Variants in FBRSL1 observed in about 807,000 individuals in gnomAD.
The protein encoded by FBRSL1 is fibrosin-1-like protein.
In FBRSL1, 51 loss-of-function variants were observed where a neutral mutation model predicts 89.6. That is an observed-to-expected ratio of 0.57 (90% confidence interval 0.45 to 0.72). The LOEUF is 0.72. Among genes scored for constraint, FBRSL1 ranks in the 30% least tolerant of loss-of-function variants. The pLI is 0.00. For missense variants in FBRSL1, 1,618 were observed against 1,451.8 expected (o/e 1.11, Z -1.86); for synonymous variants, 779 against 681.1 (o/e 1.14, Z -2.24).
At chr12:132,549,022 T>TG (rs2037928678) in intron 5 of FBRSL1, among the ~76,000 whole-genome samples, 1 of 151,982 alleles carries the variant, frequency 6.6e-6, no homozygotes, top group Non-Finnish European at 1.5e-5. Flanking sequence ...GTCTGGGCTG[T>TG]GGGGTCTCAC....
intron 1 of FBRSL1, among the ~76,000 whole-genome samples, chr12:132,507,616 G>T (rs79206283): frequency 0.13 from 19,679 of 152,166 alleles, 1,428 homozygotes; most frequent in Admixed American, 0.21. Context: ...ACACGGGGAA[G>T]CATCTCTGTC....
intron 8 of FBRSL1, 114 bp from the exon 9 acceptor site, chr12:132,570,954 C>G: frequency 1.4e-6 from 1 of 731,918 alleles, no homozygotes; most frequent in Non-Finnish European, 1.7e-6. Context: ...CCGAGTCAGC[C>G]CGGCCCAGGC....
intron 2 of FBRSL1, among the ~76,000 whole-genome samples, chr12:132,518,871 A>G (rs947305585): frequency 6.7e-6 from 1 of 149,332 alleles, no homozygotes; most frequent in East Asian, 2.0e-4. Context: ...CCATCTGTCC[A>G]TCCAACCACC....
rs1422825356 is a variant in FBRSL1 at position 132,574,085 on chromosome 12, C to G, written c.1531-5C>G. ...CGCACACAAGCTGTCTCTTTCTCCC[C>G]TCAGACTTCAAGCCCCATTGAGGTG... On this transcript the variant is annotated splice_polypyrimidine_tract_variant and splice_region_variant and intron_variant, in intron 11 of 18. Transcript: ENST00000680143. 3.8e-6 allele frequency: 5 copies of G among 1,302,840 alleles called. No homozygotes were observed. The highest frequency in any genetic ancestry group is 4.9e-6 in the Non-Finnish European group (5 of 1,027,550). 80.7% of individuals were successfully genotyped at this position (1,302,840 alleles called of 1,614,324 possible). A position where few individuals can be genotyped will look rare whatever the true frequency, so the allele number is the denominator to read the frequency against.
rs867448348 is a variant in FBRSL1 at position 132,508,384 on chromosome 12, G to A, written c.489+34G>A. On this transcript the variant is annotated intron_variant, in intron 2 of 18. Transcript: ENST00000680143. ...GTCCCTCCCCGACCGGAAGCTCTGC[G>A]GCGGGTCAGTGCTCACCGCCCCAGG... is the stretch of plus-strand genomic sequence containing the variant. 2.0e-5 allele frequency: 28 copies of A among 1,412,202 alleles called. No individual in the cohort carries two copies. In the African/African-American group the frequency reaches 3.1e-4, roughly 15 times the overall value. 87.5% of individuals were successfully genotyped at this position (1,412,202 alleles called of 1,614,324 possible). A position where few individuals can be genotyped will look rare whatever the true frequency, so the allele number is the denominator to read the frequency against.
rs1358297583 is a variant in FBRSL1, at chr12:132,490,567, G to A, written c.-4G>A. The A allele has an allele frequency of 3.1e-6, 3 of 981,612 alleles. No homozygotes were observed. Among genetic ancestry groups the A allele is most frequent in the Non-Finnish European group, 3.6e-6 (3 of 828,790 alleles). The allele number at this position is 981,612 out of a possible 1,614,324, so 60.8% of individuals were successfully genotyped here. ...CACCGGCCCGACGGGGCGCACGCGC[G>A]GCCATGGAGGCCAAGGTCCGCCCGA... is the stretch of plus-strand genomic sequence containing the variant. On this transcript the variant is annotated 5_prime_UTR_variant, in exon 1 of 19. Coordinates refer to ENST00000680143, the MANE Select transcript of FBRSL1 (RefSeq NM_001367871.1).
At position 132,546,709 on chromosome 12, in the gene FBRSL1, C is replaced by G. The variant is rs1042144779; in HGVS notation, c.616-1294C>G. Among the ~76,000 whole-genome samples, 2 of 152,148 alleles carry G rather than the reference C, an allele frequency of 1.3e-5. No individual in the cohort carries two copies. The highest frequency in any genetic ancestry group is 4.8e-5 in the African/African-American group (2 of 41,410). On this transcript the variant is annotated intron_variant, in intron 4 of 18. Transcript: ENST00000680143. This position sits in a 1 kb window ranked among gnomAD's most constrained non-coding sequence, Gnocchi z 4.0. The stretch of plus-strand genomic sequence containing the variant: ...GGGGAGCCTGTCAGCCTCAGGAGAC[C>G]CCCCCCACAGGCCCACCCCAGCTGC...
intron 2 of FBRSL1, among the ~76,000 whole-genome samples, chr12:132,520,060 G>A (rs1200806171): frequency 4.0e-5 from 6 of 151,138 alleles, no homozygotes; most frequent in Non-Finnish European, 7.4e-5. Context: ...AGCCTTCCTC[G>A]CACTCCTCCA....
In FBRSL1 at chr12:132,583,082, G is replaced by A. The variant is rs867828067; in HGVS notation, c.2313G>A (p.Gly771=). The change falls in exon 19 of 19, where the codon GGG becomes GGA. Residue 771 remains glycine, a synonymous_variant. Coordinates refer to ENST00000680143, the MANE Select transcript of FBRSL1 (RefSeq NM_001367871.1). ...CCCAGAGCGAGCTGGGCCGGTCCGG[G>A]GCCCCCGCGGAGCGCGAGGCCGAAC... ...LRAQSELGRS[G]APAEREAEPR... is the part of the protein sequence containing the mutation. The A allele has an allele frequency of 4.8e-6, 7 of 1,445,272 alleles. No individual in the cohort carries two copies. The highest frequency in any genetic ancestry group is 6.3e-6 in the Non-Finnish European group (7 of 1,103,260). The allele number at this position is 1,445,272 out of a possible 1,614,324, so 89.5% of individuals were successfully genotyped here.
In FBRSL1 at chr12:132,525,820, C is replaced by T. The variant is rs1403751965; in HGVS notation, c.576C>T (p.Ser192=). 2.1e-5 allele frequency: 32 copies of T among 1,548,360 alleles called. No individual in the cohort carries two copies. The highest frequency in any genetic ancestry group is 2.7e-5 in the African/African-American group (2 of 73,124). ...CCACCAGCTCCCGGGACCCGCTCAG[C>T]GATGTGAGTACCCAGCTGCCCGCGC... ...LEATSSRDPL[S]DSSAHAVSGR... The change falls in exon 3 of 19, where the codon AGC becomes AGT. Residue 192 remains serine, a synonymous_variant. Coordinates refer to ENST00000680143, the MANE Select transcript of FBRSL1 (RefSeq NM_001367871.1).
intron 2 of FBRSL1, among the ~76,000 whole-genome samples, chr12:132,508,696 G>A (rs1436737503): frequency 1.3e-5 from 2 of 152,260 alleles, no homozygotes; most frequent in Non-Finnish European, 2.9e-5. Flanking sequence ...TGTCCAGAGT[G>A]TCTATAAGGA....
intron 9 of FBRSL1, chr12:132,571,851 C>A: frequency 9.0e-6 from 3 of 332,138 alleles, no homozygotes; most frequent in South Asian, 8.1e-5. Context: ...GACCATGACT[C>A]AGGGTGCCTC....
intron 2 of FBRSL1, among the ~76,000 whole-genome samples, chr12:132,525,402 G>A (rs111838771): frequency 9.2e-5 from 14 of 152,338 alleles, no homozygotes; most frequent in Admixed American, 3.9e-4. Flanking sequence ...TGGAAGGGGC[G>A]GCTCCAAGCA....
At chr12:132,582,873 A>G in intron 18 of FBRSL1, 98 bp from the exon 19 acceptor site, 1 of 1,038,514 alleles carries the variant, frequency 9.6e-7, no homozygotes, top group Non-Finnish European at 1.3e-6. Flanking sequence ...GGCCACCCAG[A>G]AACTGGAGGC....
chr12:132,532,394 C>A (rs746196442), intron 4 of FBRSL1, among the ~76,000 whole-genome samples: 3 of 152,310 alleles, frequency 2.0e-5, no homozygotes, highest in Non-Finnish European at 2.9e-5. Context: ...CTCCTCCATG[C>A]GGCTGCCCAG....
At chr12:132,580,173 C>T (rs2040648034) in intron 15 of FBRSL1, among the ~76,000 whole-genome samples, 2 of 152,198 alleles carry the variant, frequency 1.3e-5, no homozygotes, top group Admixed American at 6.5e-5. Flanking sequence ...CTGCGACCTC[C>T]ACCTCCCGGG....
intron 2 of FBRSL1, among the ~76,000 whole-genome samples, chr12:132,524,036 C>CCCGGGCTCTGCTGCACAGGCCGTGCCT (rs2035583588): frequency 6.6e-6 from 1 of 152,238 alleles, no homozygotes; most frequent in Non-Finnish European, 1.5e-5. Flanking sequence ...AGGTGCCGGC[C>CCCGGGCTCTGCTGCACAGGCCGTGCCT]CCGGGCTCTG....
At chr12:132,550,920 C>T (rs1249064723) in intron 5 of FBRSL1, 1 of 172,482 alleles carries the variant, frequency 5.8e-6, no homozygotes, top group African/African-American at 2.4e-5. Flanking sequence ...GGAACTTACG[C>T]TGGGCGGAGG....
At chr12:132,535,676 A>G (rs933329872) in intron 4 of FBRSL1, among the ~76,000 whole-genome samples, 1 of 152,156 alleles carries the variant, frequency 6.6e-6, no homozygotes, top group Non-Finnish European at 1.5e-5. Context: ...GGGTGCAGGA[A>G]CCCCCAGAGA....
Sources: gnomAD v4.1 joint callset for allele counts (sites outside exome capture counted in the v4.1 genomes callset) on GRCh38, gnomAD v4.1.1 for gene constraint, Gnocchi (gnomAD v3.1) non-coding constraint, MANE v1.5 for transcripts, NCBI Gene and HGNC (gene_info 2026-07-23, HGNC 2026-07-21) for gene names.